SLC44A5: variants seen among roughly 807,000 people sequenced by gnomAD.
SLC44A5 encodes solute carrier family 44 member 5.
In SLC44A5, 57 loss-of-function variants were observed where a neutral mutation model predicts 101.8. The ratio of observed to expected loss-of-function variants is 0.56; its 90% CI spans 0.45 to 0.70. The LOEUF (loss-of-function observed/expected upper bound fraction) is 0.70, where lower values mean the gene tolerates loss of function less well. Ranked by LOEUF, SLC44A5 falls within the 30% of genes least tolerant of loss-of-function variation. The pLI is 0.00. For missense variants in SLC44A5, 737 were observed against 853.1 expected, an observed-to-expected ratio of 0.86 and a Z score of 1.70; for synonymous variants, 281 against 290.9, an observed-to-expected ratio of 0.97 and a Z score of 0.35.
the SLC44A5 span, among the ~76,000 whole-genome samples, chr1:75,655,661 G>A: frequency 6.6e-6 from 1 of 152,240 alleles, no homozygotes; most frequent in East Asian, 1.9e-4. Context: ...CCTTCCAACT[G>A]GGGAAGAAAA....
chr1:75,217,717 G>A (rs1646990575), intron 18 of SLC44A5, 149 bp downstream of exon 18: 4 of 613,316 alleles, frequency 6.5e-6, no homozygotes, highest in Admixed American at 3.4e-5. Flanking sequence ...CCTTCAGCAA[G>A]CTCTCTCTGG....
intron 2 of SLC44A5, among the ~76,000 whole-genome samples, chr1:75,401,345 A>G (rs1447389248): frequency 6.6e-6 from 1 of 152,250 alleles, no homozygotes; most frequent in Non-Finnish European, 1.5e-5. Context: ...GGAGTTTTTT[A>G]TAATGCATCA....
intron 14 of SLC44A5, among the ~76,000 whole-genome samples, chr1:75,221,800 C>T (rs896853662): frequency 9.9e-5 from 15 of 152,214 alleles, no homozygotes; most frequent in East Asian, 5.8e-4. Flanking sequence ...ACTGCTAATA[C>T]GTAGACTAAA....
intron 2 of SLC44A5, among the ~76,000 whole-genome samples, chr1:75,435,554 C>G (rs373625053): frequency 6.6e-6 from 1 of 152,204 alleles, no homozygotes; most frequent in South Asian, 2.1e-4. Flanking sequence ...AATGACTTCT[C>G]TTCTTCCCAC....
chr1:75,385,842 T>C (rs1447102740), intron 3 of SLC44A5, among the ~76,000 whole-genome samples: 1 of 151,800 alleles, frequency 6.6e-6, no homozygotes, highest in Non-Finnish European at 1.5e-5. Flanking sequence ...CAGCAGCACA[T>C]CCAAAAGCTT....
the SLC44A5 span, among the ~76,000 whole-genome samples, chr1:75,698,546 A>C: frequency 2.6e-5 from 4 of 152,354 alleles, no homozygotes; most frequent in Non-Finnish European, 5.9e-5. Context: ...AACCACAAAG[A>C]TGCGGAAAAA....
intron 3 of SLC44A5, among the ~76,000 whole-genome samples, chr1:75,345,794 A>G (rs2101051270): frequency 6.6e-6 from 1 of 152,232 alleles, no homozygotes; most frequent in East Asian, 1.9e-4. Context: ...AAGGACTTAC[A>G]CCACCCCCAA....
intron 1 of SLC44A5, among the ~76,000 whole-genome samples, chr1:75,548,545 C>T (rs1198533661): frequency 6.6e-6 from 1 of 152,048 alleles, no homozygotes; most frequent in Non-Finnish European, 1.5e-5. Context: ...ATGCGGTTTT[C>T]CCAAGTCAAG....
intron 14 of SLC44A5, among the ~76,000 whole-genome samples, chr1:75,220,241 G>C (rs1167177489): frequency 6.6e-6 from 1 of 151,984 alleles, no homozygotes; most frequent in Admixed American, 6.6e-5. Flanking sequence ...GTCACACTGA[G>C]GGAATTCCCC....
At chr1:75,317,787 G>T (rs550459248) in intron 4 of SLC44A5, among the ~76,000 whole-genome samples, 94 of 152,236 alleles carry the variant, frequency 6.2e-4, no homozygotes, top group African/African-American at 2.2e-3. Context: ...CAGAGAAAGA[G>T]CACTAGCTCT....
chr1:75,387,956 C>T (rs1339063205), intron 3 of SLC44A5, among the ~76,000 whole-genome samples: 2 of 148,100 alleles, frequency 1.4e-5, no homozygotes, highest in East Asian at 2.0e-4. Flanking sequence ...TAAACTATCG[C>T]AAGAACAAAA....
intron 2 of SLC44A5, among the ~76,000 whole-genome samples, chr1:75,528,326 G>A (rs1020496813): frequency 1.3e-5 from 2 of 151,716 alleles, no homozygotes; most frequent in Non-Finnish European, 2.9e-5. Context: ...AGAATATTCA[G>A]GAAGCAAAAA....
intron 3 of SLC44A5, among the ~76,000 whole-genome samples, chr1:75,386,224 G>A (rs1395042464): frequency 1.3e-5 from 2 of 152,118 alleles, no homozygotes; most frequent in African/African-American, 2.4e-5. Context: ...TTAGGCAGGA[G>A]AAGGAAATAA....
chr1:75,296,709 C>T (rs985321206), intron 5 of SLC44A5, among the ~76,000 whole-genome samples: 7 of 152,172 alleles, frequency 4.6e-5, no homozygotes, highest in Admixed American at 4.6e-4. Context: ...ACAGCCTCCT[C>T]AAAACTCACG....
intron 2 of SLC44A5, among the ~76,000 whole-genome samples, chr1:75,450,809 G>A (rs558821967): frequency 1.3e-5 from 2 of 152,276 alleles, no homozygotes; most frequent in South Asian, 4.2e-4. Flanking sequence ...CTCTTCCTGT[G>A]CAAAGATCCT....
At chr1:75,686,567 A>G in the SLC44A5 span, among the ~76,000 whole-genome samples, 1 of 152,232 alleles carries the variant, frequency 6.6e-6, no homozygotes, top group African/African-American at 2.4e-5. Context: ...AGAGGTAAGA[A>G]GGAGTCAGAT....
At chr1:75,723,041 T>G in the SLC44A5 span, among the ~76,000 whole-genome samples, 6 of 152,198 alleles carry the variant, frequency 3.9e-5, no homozygotes, top group African/African-American at 9.6e-5. Context: ...TTCCACAAGT[T>G]GCTTCCTCCT....
chr1:75,326,011 G>A (rs1656562340), intron 4 of SLC44A5, among the ~76,000 whole-genome samples: 1 of 150,974 alleles, frequency 6.6e-6, no homozygotes, highest in African/African-American at 2.4e-5. Flanking sequence ...TTCTACTTGT[G>A]ATGTCATGTC....
chr1:75,286,512 G>C (rs1471409454), intron 5 of SLC44A5, among the ~76,000 whole-genome samples: 1 of 152,098 alleles, frequency 6.6e-6, no homozygotes, highest in African/African-American at 2.4e-5. Context: ...TATTCATCAT[G>C]ATAGTTGTTG....
Sources: gnomAD v4.1 joint callset for allele counts (sites outside exome capture counted in the v4.1 genomes callset) on GRCh38, gnomAD v4.1.1 for gene constraint, MANE v1.5 for transcripts, NCBI Gene and HGNC (gene_info 2026-07-23, HGNC 2026-07-21) for gene names.